The following DYNC1I1 variants were observed in gnomAD, a reference collection of about 807,000 sequenced individuals.
The protein encoded by DYNC1I1 is dynein cytoplasmic 1 intermediate chain 1.
DYNC1I1 carries 43 observed loss-of-function variants against 86.6 expected under a neutral mutation model. The observed-to-expected ratio is 0.50, with a 90% CI of 0.39 to 0.64. The LOEUF (loss-of-function observed/expected upper bound fraction) is 0.64. Ranked by LOEUF, DYNC1I1 falls within the 30% of genes least tolerant of loss-of-function variation. The pLI is 0.00. For synonymous variants in DYNC1I1, 262 were observed against 283.7 expected, an observed-to-expected ratio of 0.92 and a Z score of 0.77; for missense variants, 604 against 788.8, an observed-to-expected ratio of 0.77 and a Z score of 2.81.
At chr7:96,051,681 ATCT>A (rs1789408341) in intron 14 of DYNC1I1, among the ~76,000 whole-genome samples, 1 of 152,214 alleles carries the variant, frequency 6.6e-6, no homozygotes, top group South Asian at 2.1e-4. Context: ...TAGAAAGATA[ATCT>A]TTAATTTTCA....
At chr7:95,868,252 CGTTT>C (rs897240246) in intron 5 of DYNC1I1, among the ~76,000 whole-genome samples, 21 of 152,282 alleles carry the variant, frequency 1.4e-4, no homozygotes, top group Non-Finnish European at 2.8e-4. Context: ...CTCTAACCAG[CGTTT>C]GTTTGTTTAT....
Position 95,942,941 on chromosome 7 carries a change from C to T in DYNC1I1, c.491-34571C>T, listed in dbSNP as rs1446578011. Among the ~76,000 whole-genome samples the T allele has an allele frequency of 6.2e-5, 9 of 145,502 alleles. No homozygotes were observed. The East Asian group carries it at 1.8e-3, about 29-fold the overall frequency. ...ATACTGAATGGGCAAAAACTGGAAG[C>T]ATTCTCTTTGAAAACTGGCACAAGA... On this transcript the variant is annotated intron_variant, in intron 6 of 16. Transcript: ENST00000447467.
intron 4 of DYNC1I1, chr7:95,818,935 G>A (rs1055782101): frequency 6.4e-6 from 1 of 156,226 alleles, no homozygotes; most frequent in Non-Finnish European, 1.4e-5. Flanking sequence ...TCCCCAATTG[G>A]CCCCAATAAA....
chr7:96,012,399 GT>G (rs1188234281), intron 10 of DYNC1I1, among the ~76,000 whole-genome samples: 1 of 152,174 alleles, frequency 6.6e-6, no homozygotes, highest in Non-Finnish European at 1.5e-5. Flanking sequence ...TGGGAAAGGA[GT>G]TTAGTAAGAG....
chr7:96,003,736 C>T (rs182650), intron 10 of DYNC1I1, among the ~76,000 whole-genome samples: 1 of 151,906 alleles, frequency 6.6e-6, no homozygotes, highest in Admixed American at 6.6e-5. Flanking sequence ...CCAGATGAGT[C>T]CCCACCAAGA....
At chr7:95,958,195 C>T (rs974216524) in intron 6 of DYNC1I1, among the ~76,000 whole-genome samples, 1 of 152,108 alleles carries the variant, frequency 6.6e-6, no homozygotes, top group Non-Finnish European at 1.5e-5. Flanking sequence ...TAGAAAGACT[C>T]TCAAAGGATT....
At chr7:95,927,169 A>G (rs772105093) in intron 6 of DYNC1I1, among the ~76,000 whole-genome samples, 4 of 152,210 alleles carry the variant, frequency 2.6e-5, no homozygotes, top group Non-Finnish European at 5.9e-5. Context: ...TAAAAATGAC[A>G]TCATGGAAGT....
At chr7:95,937,678 G>A (rs1387934614) in intron 6 of DYNC1I1, among the ~76,000 whole-genome samples, 5 of 151,924 alleles carry the variant, frequency 3.3e-5, no homozygotes, top group Admixed American at 1.3e-4. Context: ...GAAGTTGTTA[G>A]TGATGAAGCA....
At chr7:96,033,974 C>T (rs551423794) in intron 12 of DYNC1I1, among the ~76,000 whole-genome samples, 164 of 152,174 alleles carry the variant, frequency 1.1e-3, no homozygotes, top group African/African-American at 3.7e-3. Context: ...CACACCACTG[C>T]ACTCCAGTCT....
At chr7:96,008,895 T>C (rs1459970347) in intron 10 of DYNC1I1, among the ~76,000 whole-genome samples, 1 of 152,226 alleles carries the variant, frequency 6.6e-6, no homozygotes, top group Non-Finnish European at 1.5e-5. Context: ...GTGTATTTTC[T>C]GCTCAGAGGG....
intron 14 of DYNC1I1, among the ~76,000 whole-genome samples, chr7:96,050,043 A>C (rs1174128947): frequency 1.3e-5 from 2 of 151,922 alleles, no homozygotes; most frequent in Admixed American, 6.6e-5. Flanking sequence ...ACAAACAAAA[A>C]AAAAAACAGT....
At chr7:96,083,877 C>G (rs1425926846) in intron 16 of DYNC1I1, among the ~76,000 whole-genome samples, 1 of 152,138 alleles carries the variant, frequency 6.6e-6, no homozygotes, top group Non-Finnish European at 1.5e-5. Context: ...GTAGAACCCT[C>G]TAGAAAGAAG....
chr7:96,086,495 C>T (rs866231359), intron 16 of DYNC1I1, among the ~76,000 whole-genome samples: 1 of 152,146 alleles, frequency 6.6e-6, no homozygotes, highest in African/African-American at 2.4e-5. Context: ...AAATCTTATC[C>T]TAGCTTTATT....
At chr7:95,858,134 A>T (rs901768829) in intron 5 of DYNC1I1, among the ~76,000 whole-genome samples, 12 of 152,180 alleles carry the variant, frequency 7.9e-5, no homozygotes, top group African/African-American at 2.9e-4. Context: ...TTCAAGAGAG[A>T]TAATAGCTGT....
intron 6 of DYNC1I1, among the ~76,000 whole-genome samples, chr7:95,910,451 T>A (rs191256645): frequency 1.3e-5 from 2 of 152,136 alleles, no homozygotes; most frequent in African/African-American, 4.8e-5. Flanking sequence ...GTATAATCCA[T>A]GTAAAGTGGA....
intron 1 of DYNC1I1, among the ~76,000 whole-genome samples, chr7:95,793,391 C>G (rs1794358109): frequency 6.6e-6 from 1 of 151,934 alleles, no homozygotes; most frequent in African/African-American, 2.4e-5. Context: ...GAGGAAGTCT[C>G]TCGTGGCAGA....
chr7:96,101,086 T>C (rs1791128520), downstream of DYNC1I1, among the ~76,000 whole-genome samples: 2 of 151,928 alleles, frequency 1.3e-5, no homozygotes, highest in Non-Finnish European at 2.9e-5. Flanking sequence ...AGAGTAATAG[T>C]GGCTAGGTGG....
chr7:96,030,019 G>A (rs555283581), intron 11 of DYNC1I1, among the ~76,000 whole-genome samples: 10 of 151,372 alleles, frequency 6.6e-5, no homozygotes, highest in African/African-American at 2.2e-4. Context: ...TTTTCAGGGG[G>A]ATTTTGTTTG....
chr7:96,023,439 G>T (rs1325427044), intron 10 of DYNC1I1, among the ~76,000 whole-genome samples: 2 of 152,170 alleles, frequency 1.3e-5, no homozygotes, highest in Non-Finnish European at 2.9e-5. Context: ...ACCAAAGGTT[G>T]TTCACCCTGG....
Sources: gnomAD v4.1 joint callset for allele counts (sites outside exome capture counted in the v4.1 genomes callset) on GRCh38, gnomAD v4.1.1 for gene constraint, MANE v1.5 for transcripts, NCBI Gene and HGNC (gene_info 2026-07-23, HGNC 2026-07-21) for gene names.